Variants in ZNF33B observed in about 807,000 individuals in gnomAD.
ZNF33B encodes the protein zinc finger protein 11b (KOX 2).
Under a neutral mutation model 45.8 loss-of-function variants are expected in ZNF33B, and 29 were observed. The observed-to-expected ratio is 0.63, with a 90% CI of 0.47 to 0.86. ZNF33B has a LOEUF of 0.86. Ranked by LOEUF, ZNF33B falls within the 40% of genes least tolerant of loss-of-function variation. ZNF33B has a pLI of 0.00. For missense variants in ZNF33B, 831 were observed against 909.9 expected (o/e 0.91, Z 1.12); for synonymous variants, 305 against 307.8 (o/e 0.99, Z 0.10).
intron 4 of ZNF33B, among the ~76,000 whole-genome samples, chr10:42,603,721 G>A (rs1208330209): frequency 6.6e-6 from 1 of 152,190 alleles, no homozygotes; most frequent in Non-Finnish European, 1.5e-5. Flanking sequence ...TCAGCAATCA[G>A]TAGCGGCTAT....
chr10:42,583,079 G>A (rs1234570095), intron 1 of ZNF33B: 8 of 811,858 alleles, frequency 9.9e-6, no homozygotes, highest in Non-Finnish European at 1.3e-5. Context: ...GCACTGCAAG[G>A]GTTTAATCCA....
chr10:42,618,600 C>T (rs1343156154), intron 4 of ZNF33B, among the ~76,000 whole-genome samples: 1 of 152,140 alleles, frequency 6.6e-6, no homozygotes, highest in Non-Finnish European at 1.5e-5. Context: ...TGTATTATCA[C>T]TTTTATAAGG....
At chr10:42,583,111 AC>A (rs748480216) in intron 1 of ZNF33B, 54 of 783,722 alleles carry the variant, frequency 6.9e-5, no homozygotes, top group African/African-American at 3.3e-4. Context: ...CAGTGCATGA[AC>A]ACCTCAGGGG....
At chr10:42,638,251 T>C (rs935128958) in intron 1 of ZNF33B, among the ~76,000 whole-genome samples, 1 of 152,204 alleles carries the variant, frequency 6.6e-6, no homozygotes, top group African/African-American at 2.4e-5. Flanking sequence ...CCGCGGCCCC[T>C]ACAAACAGGG....
rs1016564392 is a variant in ZNF33B at position 42,589,187 on chromosome 10, C to G, written c.*3426G>C. On this transcript the variant is annotated 3_prime_UTR_variant, in exon 5 of 5. Transcript: ENST00000359467. Reference sequence around the variant, plus strand: ...GCTTTAGGGTTACAGAAAAATTGAGCAAAAAGTACAGAGAATTCTCATATA... The same window carrying G: ...GCTTTAGGGTTACAGAAAAATTGAGGAAAAAGTACAGAGAATTCTCATATA... 11 of 162,614 alleles carry G rather than the reference C, an allele frequency of 6.8e-5. No individual in the cohort carries two copies. The highest frequency in any genetic ancestry group is 2.6e-4 in the African/African-American group (11 of 41,606). The allele number at this position is 162,614 out of a possible 1,614,324, so 10.1% of individuals were successfully genotyped here.
In ZNF33B at chr10:42,582,929, T is replaced by C. The variant is rs146966876; in HGVS notation, c.74-8251A>G. On this transcript the variant is annotated intron_variant, in intron 1 of 1. Transcript: ENST00000462075. ...CTGTTTCCAAATTTGTTGCAGAGAA[T>C]GCTGATGTCTCTTCCACAGCACGCC... The C allele has an allele frequency of 8.1e-4, 423 of 521,424 alleles. 2 individuals carry two copies. Among genetic ancestry groups the C allele is most frequent in the African/African-American group, 7.1e-3 (375 of 52,548 alleles). 32.3% of individuals were successfully genotyped at this position (521,424 alleles called of 1,614,324 possible).
Position 42,612,383 on chromosome 10 carries a change from T to G in ZNF33B, c.251-17684A>C, listed in dbSNP as rs547079434. Among the ~76,000 whole-genome samples, 4 of 152,122 alleles carry G rather than the reference T, an allele frequency of 2.6e-5. No homozygotes were observed. The South Asian group carries it at 8.3e-4, about 32-fold the overall frequency. On this transcript the variant is annotated intron_variant, in intron 4 of 4. Coordinates refer to ENST00000359467, the MANE Select transcript of ZNF33B (RefSeq NM_006955.3). ...TTCAGAGGAGCTGGGAATACAGGCG[T>G]GCTTCACCACGCCCAGCTTATTTGG...
intron 4 of ZNF33B, among the ~76,000 whole-genome samples, chr10:42,597,357 G>A (rs912636604): frequency 2.6e-5 from 4 of 151,772 alleles, no homozygotes; most frequent in African/African-American, 9.7e-5. Flanking sequence ...AATGTAATAG[G>A]TATAATAGTA....
At chr10:42,617,134 C>A (rs1365570562) in intron 4 of ZNF33B, among the ~76,000 whole-genome samples, 2 of 104,296 alleles carry the variant, frequency 1.9e-5, no homozygotes, top group Non-Finnish European at 3.5e-5. Context: ...GGCAAGGTCT[C>A]ACTCTGTCAC....
At chr10:42,627,630 C>A (rs1328092025) in intron 4 of ZNF33B, among the ~76,000 whole-genome samples, 1 of 152,104 alleles carries the variant, frequency 6.6e-6, no homozygotes. Flanking sequence ...GGTTTGCAAC[C>A]TATCATCTTC....
chr10:42,588,960 A>C (rs1836993351), downstream of ZNF33B: 1 of 158,058 alleles, frequency 6.3e-6, no homozygotes. Flanking sequence ...ACTAGTCCTT[A>C]ATTTCAGGTC....
intron 4 of ZNF33B, among the ~76,000 whole-genome samples, chr10:42,618,036 T>C (rs1029726294): frequency 1.3e-5 from 2 of 152,154 alleles, no homozygotes; most frequent in African/African-American, 4.8e-5. Context: ...TCAATCCACA[T>C]TTAGACCTGC....
At chr10:42,602,939 C>G (rs529912595) in intron 4 of ZNF33B, among the ~76,000 whole-genome samples, 7 of 152,318 alleles carry the variant, frequency 4.6e-5, no homozygotes, top group Non-Finnish European at 7.3e-5. Flanking sequence ...CTATCTCCTG[C>G]AAGCCACCAG....
At chr10:42,634,866 A>G (rs1839216674) in intron 2 of ZNF33B, among the ~76,000 whole-genome samples, 1 of 152,260 alleles carries the variant, frequency 6.6e-6, no homozygotes, top group South Asian at 2.1e-4. Flanking sequence ...AAAGTAGGTA[A>G]AGTCATCTAA....
In ZNF33B at chr10:42,593,522, T is replaced by A. The variant is rs754210026; in HGVS notation, c.1428A>T (p.Lys476Asn). ...TAAGATGTGACTTTTGACAAAAGGA[T>A]TTCCCACACTCAAGACATTCAAAAG... ...EKPFECLECG[K>N]SFCQKSHLTQ... is the part of the protein sequence containing the mutation. The change falls in exon 5 of 5, where the codon AAA becomes AAT. Residue 476 changes from lysine to asparagine, a missense_variant. Coordinates refer to ENST00000359467, the MANE Select transcript of ZNF33B (RefSeq NM_006955.3). 6.2e-7 allele frequency: 1 copy of A among 1,614,054 alleles called. No individual in the cohort carries two copies. The highest frequency in any genetic ancestry group is 1.1e-5 in the South Asian group (1 of 91,084).
chr10:42,600,274 T>C (rs209375), intron 4 of ZNF33B, among the ~76,000 whole-genome samples: 118,421 of 151,966 alleles, frequency 0.78, 46,898 homozygotes, highest in East Asian at 0.96. Context: ...CCTGTTTTAT[T>C]AATTATTAAA....
intron 4 of ZNF33B, among the ~76,000 whole-genome samples, chr10:42,597,036 T>C (rs115571991): frequency 0.014 from 2,167 of 152,202 alleles, 54 homozygotes; most frequent in African/African-American, 0.05. Flanking sequence ...TTATATACAA[T>C]GTCAATTGTA....
chr10:42,580,517 A>T (rs1836808526), intron 1 of ZNF33B, among the ~76,000 whole-genome samples: 1 of 151,116 alleles, frequency 6.6e-6, no homozygotes, highest in Non-Finnish European at 1.5e-5. Context: ...GGGTTACAGG[A>T]GTGAGCCACT....
chr10:42,631,719 A>G (rs1357345468), intron 4 of ZNF33B: 23 of 526,874 alleles, frequency 4.4e-5, no homozygotes, highest in Non-Finnish European at 7.4e-5. Context: ...AAGAATGGTA[A>G]ACCTTCAAAA....
Sources: gnomAD v4.1 joint callset for allele counts (sites outside exome capture counted in the v4.1 genomes callset) on GRCh38, gnomAD v4.1.1 for gene constraint, MANE v1.5 for transcripts, NCBI Gene and HGNC (gene_info 2026-07-23, HGNC 2026-07-21) for gene names.